INPP4B: variants seen among roughly 807,000 people sequenced by gnomAD.
The protein encoded by INPP4B is inositol polyphosphate 4-phosphatase type II.
INPP4B carries 55 observed loss-of-function variants against 122.5 expected under a neutral mutation model. The observed-to-expected ratio is 0.45, with a 90% CI of 0.36 to 0.56. The LOEUF (loss-of-function observed/expected upper bound fraction) is 0.56, where lower values mean the gene tolerates loss of function less well. Ranked by LOEUF, INPP4B falls within the 20% of genes least tolerant of loss-of-function variation. The pLI, the probability that INPP4B is intolerant of heterozygous loss-of-function variation, is 0.00. For synonymous variants in INPP4B, 403 were observed against 388.7 expected (o/e 1.04, Z -0.43); for missense variants, 1,000 against 1,097.7 (o/e 0.91, Z 1.26).
chr4:142,202,883 T>C (rs1841269826), intron 14 of INPP4B: 3 of 457,704 alleles, frequency 6.6e-6, no homozygotes, highest in African/African-American at 2.1e-5. Flanking sequence ...AATCAGGAAC[T>C]GAAAAGCCAT....
intron 1 of INPP4B, among the ~76,000 whole-genome samples, chr4:142,790,293 G>A (rs889350668): frequency 2.6e-5 from 4 of 152,050 alleles, no homozygotes; most frequent in Non-Finnish European, 4.4e-5. Flanking sequence ...CACAGTGGGA[G>A]AAAATCTTCA....
At chr4:142,638,435 G>C (rs968951217) in intron 2 of INPP4B, among the ~76,000 whole-genome samples, 39 of 152,028 alleles carry the variant, frequency 2.6e-4, no homozygotes, top group African/African-American at 9.4e-4. Flanking sequence ...TTGTTGAAAA[G>C]ATCATCTTTG....
At chr4:142,740,387 C>G (rs1767728540) in intron 1 of INPP4B, among the ~76,000 whole-genome samples, 1 of 151,998 alleles carries the variant, frequency 6.6e-6, no homozygotes, top group Admixed American at 6.6e-5. Context: ...TTCTAAAACG[C>G]TTTTCTGCTT....
At chr4:142,430,967 C>T (rs1212101961) in intron 4 of INPP4B, among the ~76,000 whole-genome samples, 1 of 151,700 alleles carries the variant, frequency 6.6e-6, no homozygotes, top group Non-Finnish European at 1.5e-5. Context: ...TCTATCTTAC[C>T]CAAGATAAAA....
chr4:142,026,620 C>T lies in INPP4B; in HGVS notation c.*2162G>A, dbSNP rs1737082185. On this transcript the variant is annotated 3_prime_UTR_variant, in exon 26 of 26. Transcript: ENST00000262992. Reference sequence around the variant, plus strand: ...TAGCTGGGATTACACGTGTGTGCCACCACATCCAGCTAATTTTTGTATCTT... The same window carrying T: ...TAGCTGGGATTACACGTGTGTGCCATCACATCCAGCTAATTTTTGTATCTT... 6.6e-6 allele frequency: 1 copy of T among 152,334 alleles called. No homozygotes were observed. The highest frequency in any genetic ancestry group is 2.4e-5 in the African/African-American group (1 of 41,434). The allele number at this position is 152,334 out of a possible 1,614,324, so 9.4% of individuals were successfully genotyped here. A position where few individuals can be genotyped will look rare whatever the true frequency, so the allele number is the denominator to read the frequency against.
At chr4:142,592,514 A>G (rs13147451) in intron 2 of INPP4B, among the ~76,000 whole-genome samples, 118,260 of 152,122 alleles carry the variant, frequency 0.78, 46,981 homozygotes, top group Non-Finnish European at 0.85. Flanking sequence ...TTTGTTCAAA[A>G]GATCTTAAAT....
intron 25 of INPP4B, among the ~76,000 whole-genome samples, chr4:142,057,126 G>A (rs1006476744): frequency 4.9e-5 from 3 of 60,610 alleles, no homozygotes; most frequent in Admixed American, 4.5e-4. Context: ...CACCATGGAA[G>A]TAATTACATT....
intron 2 of INPP4B, among the ~76,000 whole-genome samples, chr4:142,468,645 C>T (rs982240735): frequency 1.3e-5 from 2 of 152,116 alleles, no homozygotes; most frequent in African/African-American, 4.8e-5. Context: ...AACCTCCCCT[C>T]TTGCTCTCTC....
intron 3 of INPP4B, among the ~76,000 whole-genome samples, chr4:142,445,879 A>T (rs1442891643): frequency 6.6e-6 from 1 of 152,164 alleles, no homozygotes; most frequent in Non-Finnish European, 1.5e-5. Context: ...TAACTAACAA[A>T]CATATCTAGA....
intron 1 of INPP4B, among the ~76,000 whole-genome samples, chr4:142,827,462 CA>C (rs568932623): frequency 6.6e-6 from 1 of 152,154 alleles, no homozygotes; most frequent in Admixed American, 6.6e-5. Flanking sequence ...TACCATTCAC[CA>C]AAAAAGGTGC....
chr4:142,802,967 C>A (rs1471562892), intron 1 of INPP4B, among the ~76,000 whole-genome samples: 1 of 151,508 alleles, frequency 6.6e-6, no homozygotes, highest in South Asian at 2.1e-4. Context: ...GTCAGGAGTT[C>A]GAGACCAGCC....
chr4:142,403,275 T>C (rs1007867790), intron 6 of INPP4B, among the ~76,000 whole-genome samples: 11 of 152,242 alleles, frequency 7.2e-5, no homozygotes, highest in Non-Finnish European at 1.6e-4. Flanking sequence ...TGAACCTGCA[T>C]CATTGTCAGA....
At chr4:142,200,613 T>G (rs955548430) in intron 14 of INPP4B, among the ~76,000 whole-genome samples, 2 of 152,000 alleles carry the variant, frequency 1.3e-5, no homozygotes, top group African/African-American at 4.8e-5. Flanking sequence ...TATTATCACT[T>G]AAACAACACA....
intron 1 of INPP4B, among the ~76,000 whole-genome samples, chr4:142,837,960 T>C (rs577268517): frequency 6.6e-6 from 1 of 151,788 alleles, no homozygotes; most frequent in South Asian, 2.1e-4. Context: ...GGCTAAACAA[T>C]TGATAATAAT....
At chr4:142,670,097 T>C (rs1342645957) in intron 2 of INPP4B, among the ~76,000 whole-genome samples, 3 of 152,200 alleles carry the variant, frequency 2.0e-5, no homozygotes, top group Non-Finnish European at 4.4e-5. Context: ...ACAAACGGTG[T>C]ATATGCTACT....
intron 21 of INPP4B, among the ~76,000 whole-genome samples, chr4:142,113,604 T>C (rs865976060): frequency 3.3e-5 from 5 of 152,054 alleles, no homozygotes; most frequent in Middle Eastern, 3.4e-3. Flanking sequence ...ACCTGGTAAA[T>C]ATCATGAATT....
chr4:142,569,088 G>A (rs760531357), intron 2 of INPP4B, among the ~76,000 whole-genome samples: 29 of 151,882 alleles, frequency 1.9e-4, no homozygotes, highest in Admixed American at 1.1e-3. Context: ...ATAATAATGG[G>A]AAATAATATT....
chr4:142,685,889 A>G lies in INPP4B; in HGVS notation c.-191+39950T>C, dbSNP rs568738272. Among the ~76,000 whole-genome samples, 410 of 152,274 alleles carry G rather than the reference A, an allele frequency of 2.7e-3. 2 individuals are homozygous for G. Among genetic ancestry groups the G allele is most frequent in the Non-Finnish European group, 4.7e-3 (322 of 67,996 alleles). ...AATTATACATGGCTATATAAATATC[A>G]AAAGATTGGTTAAATTGAGTACATA... is the stretch of plus-strand genomic sequence containing the variant. On this transcript the variant is annotated intron_variant, in intron 2 of 25. Coordinates refer to ENST00000262992, the MANE Select transcript of INPP4B (RefSeq NM_001101669.3).
chr4:142,384,520 T>C (rs1052975604), intron 7 of INPP4B, among the ~76,000 whole-genome samples: 1 of 152,088 alleles, frequency 6.6e-6, no homozygotes, highest in African/African-American at 2.4e-5. Context: ...TATCTAAACA[T>C]ATCTAAACAC....
Sources: allele counts gnomAD v4.1 joint callset (sites outside exome capture counted in the v4.1 genomes callset), GRCh38; gene constraint gnomAD v4.1.1; transcripts MANE v1.5; gene names NCBI Gene and HGNC (gene_info 2026-07-23, HGNC 2026-07-21).